Variants in DGKE observed in about 807,000 individuals in gnomAD.
The protein encoded by DGKE is diacylglycerol kinase epsilon.
A neutral mutation model predicts 70.0 loss-of-function variants in DGKE; 53 were observed. The observed-to-expected ratio is 0.76, with a 90% CI of 0.61 to 0.95. The LOEUF is 0.95. DGKE is among the 40% of genes least tolerant of loss of function. The pLI, the probability that DGKE is intolerant of heterozygous loss-of-function variation, is 0.00. For synonymous variants in DGKE, 291 were observed against 257.0 expected, an observed-to-expected ratio of 1.13 and a Z score of -1.27; for missense variants, 655 against 706.9, an observed-to-expected ratio of 0.93 and a Z score of 0.83.
rs775804689 is a variant in DGKE at position 56,835,028 on chromosome 17, C to T, written c.233C>T (p.Ala78Val). ...FSQPTYCCVCAQHILQGAFCD... is the reference protein window; with the variant it reads ...FSQPTYCCVCVQHILQGAFCD... ...CAGCCCACCTACTGCTGCGTGTGCGCGCAGCACATTCTGCAGGGCGCCTTC... is the reference window on the plus strand; with the variant it reads ...CAGCCCACCTACTGCTGCGTGTGCGTGCAGCACATTCTGCAGGGCGCCTTC... Residue 78 changes from alanine (A) to valine (V), a missense_variant, in exon 2 of 12, where the codon GCG (alanine) becomes GTG (valine). Physicochemically the swap from Ala to Val is moderately conservative, Grantham distance 64 (BLOSUM62 0). Transcript: ENST00000284061. 2.5e-6 allele frequency: 4 copies of T among 1,612,728 alleles called. No individual in the cohort carries two copies. Among genetic ancestry groups the T allele is most frequent in the South Asian group, 2.2e-5 (2 of 91,088 alleles).
At position 56,841,197 on chromosome 17, in the gene DGKE, G is replaced by C. The variant is rs572447690; in HGVS notation, c.465-2822G>C. Among the ~76,000 whole-genome samples the C allele has an allele frequency of 7.3e-5, 11 of 150,316 alleles. No homozygotes were observed. In the East Asian group the frequency reaches 2.2e-3, roughly 29 times the overall value. ...ACCCAGTATGTGGAGGTTGCAGTGAGCCGAGATTGCACCACTGCACTCCAA... is the reference window on the plus strand; with the variant it reads ...ACCCAGTATGTGGAGGTTGCAGTGACCCGAGATTGCACCACTGCACTCCAA... On this transcript the variant is annotated intron_variant, in intron 2 of 11. Transcript: ENST00000284061.
At position 56,865,947 on chromosome 17, in the gene DGKE, G is replaced by C. The variant is rs960512607; in HGVS notation, c.*3156G>C. On this transcript the variant is annotated 3_prime_UTR_variant, in exon 12 of 12. Transcript: ENST00000284061. ...AGTCATTAGAATGGGTAATGGTTTT[G>C]TGTGGTTTTCCTTCAAAATGATAAT... 2.0e-5 allele frequency: 3 copies of C among 152,088 alleles called. No homozygotes were observed. Among genetic ancestry groups the C allele is most frequent in the African/African-American group, 7.2e-5 (3 of 41,418 alleles). 9.4% of individuals were successfully genotyped at this position (152,088 alleles called of 1,614,324 possible). A position where few individuals can be genotyped will look rare whatever the true frequency, so the allele number is the denominator to read the frequency against.
At chr17:56,837,316 C>T (rs1445326161) in intron 2 of DGKE, among the ~76,000 whole-genome samples, 2 of 151,980 alleles carry the variant, frequency 1.3e-5, no homozygotes, top group Non-Finnish European at 2.9e-5. Flanking sequence ...ACAGGTCCTT[C>T]TAAAGATGGA....
chr17:56,849,155 T>C, intron 6 of DGKE, 26 bp from the exon 7 acceptor site: 1 of 1,593,494 alleles, frequency 6.3e-7, no homozygotes, highest in Non-Finnish European at 8.6e-7. Flanking sequence ...TAAAACGTGC[T>C]GTTTTTTTTA....
intron 8 of DGKE, among the ~76,000 whole-genome samples, chr17:56,857,956 C>A (rs1028982296): frequency 6.6e-6 from 1 of 151,436 alleles, no homozygotes. Flanking sequence ...GCCTGTAGTC[C>A]CAGCTACTTG....
intron 2 of DGKE, among the ~76,000 whole-genome samples, chr17:56,842,904 G>A (rs1907071984): frequency 1.3e-5 from 2 of 152,120 alleles, no homozygotes; most frequent in Admixed American, 1.3e-4. Flanking sequence ...TTTACCAATT[G>A]GGTCCAAACA....
intron 8 of DGKE, among the ~76,000 whole-genome samples, chr17:56,858,354 C>T (rs1290922716): frequency 6.6e-6 from 1 of 152,154 alleles, no homozygotes; most frequent in Non-Finnish European, 1.5e-5. Context: ...TCCATTGCTG[C>T]TCCTAGTGGA....
Position 56,844,188 on chromosome 17 carries a change from G to A in DGKE, c.624+10G>A. On this transcript the variant is annotated intron_variant, in intron 3 of 11. Coordinates refer to ENST00000284061, the MANE Select transcript of DGKE (RefSeq NM_003647.3). The stretch of plus-strand genomic sequence containing the variant: ...AACAGATTATGAAGTGGTAATTAGA[G>A]TTTATTTCTCTAATATGATTGATTT... 6.8e-7 allele frequency: 1 copy of A among 1,465,780 alleles called. No homozygotes were observed. The highest frequency in any genetic ancestry group is 9.1e-7 in the Non-Finnish European group (1 of 1,099,392). The allele number at this position is 1,465,780 out of a possible 1,614,324, so 90.8% of individuals were successfully genotyped here. A position where few individuals can be genotyped will look rare whatever the true frequency, so the allele number is the denominator to read the frequency against.
At chr17:56,850,003 C>G (rs975457780) in intron 7 of DGKE, among the ~76,000 whole-genome samples, 5 of 152,034 alleles carry the variant, frequency 3.3e-5, no homozygotes, top group Admixed American at 1.3e-4. Context: ...GATTCACATC[C>G]CTATTTATCA....
chr17:56,856,031 G>C (rs1256603853), intron 7 of DGKE, among the ~76,000 whole-genome samples: 1 of 148,222 alleles, frequency 6.7e-6, no homozygotes, highest in Non-Finnish European at 1.5e-5. Context: ...AGGCTAAATT[G>C]AGAAGAGGTC....
chr17:56,839,429 A>G (rs1050559860), intron 2 of DGKE, among the ~76,000 whole-genome samples: 10 of 152,234 alleles, frequency 6.6e-5, no homozygotes, highest in African/African-American at 2.2e-4. Flanking sequence ...TTAAATACCA[A>G]TTACAACATA....
chr17:56,848,656 G>C (rs2036126683), intron 5 of DGKE, 40 bp from the exon 6 acceptor site: 1 of 1,597,956 alleles, frequency 6.3e-7, no homozygotes, highest in African/African-American at 1.3e-5. Flanking sequence ...CCAGCAAATA[G>C]TCTGAGAGAA....
intron 11 of DGKE, 86 bp from the exon 12 acceptor site, chr17:56,862,525 TA>T (rs1908357160): frequency 8.3e-7 from 1 of 1,205,094 alleles, no homozygotes; most frequent in Non-Finnish European, 1.1e-6. Flanking sequence ...GCATAAGGGT[TA>T]AGGGATTGTG....
intron 7 of DGKE, among the ~76,000 whole-genome samples, chr17:56,855,680 G>A (rs1907898924): frequency 6.6e-6 from 1 of 152,134 alleles, no homozygotes; most frequent in Non-Finnish European, 1.5e-5. Flanking sequence ...TGGAAATAGA[G>A]CAGAGAAAAC....
In DGKE at chr17:56,867,042, T is replaced by C. The variant is rs1908550287; in HGVS notation, c.*4251T>C. The C allele has an allele frequency of 6.6e-6, 1 of 152,200 alleles. No individual in the cohort carries two copies. Among genetic ancestry groups the C allele is most frequent in the Admixed American group, 6.5e-5 (1 of 15,280 alleles). 9.4% of individuals were successfully genotyped at this position (152,200 alleles called of 1,614,324 possible). The stretch of plus-strand genomic sequence containing the variant: ...AAGCAGTGAACTTAGCCTTTGTTCT[T>C]TGTGTTTCTAATTTAAGCATATAGT... On this transcript the variant is annotated 3_prime_UTR_variant, in exon 12 of 12. Coordinates refer to ENST00000284061, the MANE Select transcript of DGKE (RefSeq NM_003647.3).
rs1907454151 is a variant in DGKE, at chr17:56,848,603, C to T, written c.889-93C>T. 6 of 1,242,728 alleles carry T rather than the reference C, an allele frequency of 4.8e-6. No individual in the cohort carries two copies. The South Asian group carries it at 8.5e-5, about 18-fold the overall frequency. 77.0% of individuals were successfully genotyped at this position (1,242,728 alleles called of 1,614,324 possible). A position where few individuals can be genotyped will look rare whatever the true frequency, so the allele number is the denominator to read the frequency against. ...CAACATACAGTTGTTATATTTGTAT[C>T]CTTACTGTTTTGGTCTTATTAAATT... On this transcript the variant is annotated intron_variant, in intron 5 of 11. Coordinates refer to ENST00000284061, the MANE Select transcript of DGKE (RefSeq NM_003647.3).
Position 56,862,187 on chromosome 17 carries a change from A to G in DGKE, c.1460A>G (p.His487Arg). Residue 487 changes from histidine (H) to arginine (R), a missense_variant, in exon 11 of 12, where the codon CAC becomes CGC. Physicochemically the swap from His to Arg is conservative, Grantham distance 29. Coordinates refer to ENST00000284061, the MANE Select transcript of DGKE (RefSeq NM_003647.3). ...GTCGTTGGAGTATATGGGTCTTTCC[A>G]CTGTGCTCAGATTCAAGTAAAACTG... is the stretch of plus-strand genomic sequence containing the variant. ...LEVVGVYGSF[H>R]CAQIQVKLAN... 8 of 1,614,170 alleles carry G rather than the reference A, an allele frequency of 5.0e-6. No individual in the cohort carries two copies. The highest frequency in any genetic ancestry group is 6.8e-6 in the Non-Finnish European group (8 of 1,180,026).
intron 7 of DGKE, among the ~76,000 whole-genome samples, chr17:56,855,462 A>G (rs957259031): frequency 2.6e-5 from 4 of 152,216 alleles, no homozygotes; most frequent in Admixed American, 6.5e-5. Context: ...GGCAAGAATC[A>G]AGATCATCTG....
intron 4 of DGKE, chr17:56,846,246 C>G (rs73325090): frequency 0.016 from 2,501 of 152,922 alleles, 64 homozygotes; most frequent in African/African-American, 0.057. Context: ...CAAAAAGGAA[C>G]AAACTACTGA....
Sources: gnomAD v4.1 joint callset for allele counts (sites outside exome capture counted in the v4.1 genomes callset) on GRCh38, gnomAD v4.1.1 for gene constraint, MANE v1.5 for transcripts, NCBI Gene and HGNC (gene_info 2026-07-23, HGNC 2026-07-21) for gene names.